The following KCNN2 variants were observed in gnomAD, a reference collection of about 807,000 sequenced individuals.
KCNN2 encodes potassium calcium-activated channel subfamily N member 2.
Under a neutral mutation model 55.5 loss-of-function variants are expected in KCNN2, and 24 were observed. That is an observed-to-expected ratio of 0.43 (90% CI 0.31 to 0.61). KCNN2 has a LOEUF of 0.61. Among genes scored for constraint, KCNN2 ranks in the 20% least tolerant of loss-of-function variants. The probability of loss-of-function intolerance (pLI) is 0.08; values close to 1 mark genes in which losing one functional copy is unlikely to be tolerated. For missense variants in KCNN2, 754 were observed against 853.6 expected, an observed-to-expected ratio of 0.88 and a Z score of 1.45; for synonymous variants, 431 against 336.1, an observed-to-expected ratio of 1.28 and a Z score of -3.09.
intron 2 of KCNN2, among the ~76,000 whole-genome samples, chr5:114,229,891 C>T (rs377011202): frequency 1.3e-5 from 2 of 152,152 alleles, no homozygotes; most frequent in East Asian, 3.9e-4. Context: ...GAAACAAACC[C>T]TAGAAATGGA....
intron 3 of KCNN2, among the ~76,000 whole-genome samples, chr5:114,455,281 C>G (rs930177879): frequency 6.6e-6 from 1 of 152,134 alleles, no homozygotes; most frequent in African/African-American, 2.4e-5. Flanking sequence ...TTTGGTAATT[C>G]TTGTAGCTTC....
intron 2 of KCNN2, among the ~76,000 whole-genome samples, chr5:114,395,786 C>T (rs1758596616): frequency 6.6e-6 from 1 of 152,166 alleles, no homozygotes; most frequent in South Asian, 2.1e-4. Context: ...ACAGTTCTTT[C>T]CTTCCTGCTT....
chr5:114,116,816 T>C (rs1751716583), intron 1 of KCNN2, among the ~76,000 whole-genome samples: 1 of 152,170 alleles, frequency 6.6e-6, no homozygotes, highest in African/African-American at 2.4e-5. Flanking sequence ...ATAATTTATA[T>C]ACACTCTTTA....
chr5:114,437,337 A>G (rs1024989754), intron 3 of KCNN2, among the ~76,000 whole-genome samples: 1 of 152,168 alleles, frequency 6.6e-6, no homozygotes, highest in Non-Finnish European at 1.5e-5. Context: ...GGGAACAGAG[A>G]GAAGGGGAGG....
chr5:114,061,087 A>G (rs1750318433), intron 1 of KCNN2, among the ~76,000 whole-genome samples: 1 of 152,240 alleles, frequency 6.6e-6, no homozygotes, highest in Non-Finnish European at 1.5e-5. Flanking sequence ...AGGATTCAGA[A>G]TTTATTCATT....
intron 3 of KCNN2, among the ~76,000 whole-genome samples, chr5:114,409,962 G>A (rs1015137508): frequency 6.6e-6 from 1 of 152,098 alleles, no homozygotes; most frequent in African/African-American, 2.4e-5. Flanking sequence ...TTGTTAATAA[G>A]CAGCTTCCCC....
chr5:114,159,835 A>G (rs1212992391), intron 1 of KCNN2, among the ~76,000 whole-genome samples: 1 of 151,926 alleles, frequency 6.6e-6, no homozygotes, highest in Non-Finnish European at 1.5e-5. Context: ...TATTTCTGTG[A>G]GATCGGTGGT....
Position 114,456,928 on chromosome 5 carries a change from T to G in KCNN2, c.1638-6121T>G, listed in dbSNP as rs116014451. Reference sequence around the variant, plus strand: ...TTCCTATGGATCAGCAAATAAACTGTTTCTTGAGATGGAATCTACTCCTGG... The same window carrying G: ...TTCCTATGGATCAGCAAATAAACTGGTTCTTGAGATGGAATCTACTCCTGG... On this transcript the variant is annotated intron_variant, in intron 3 of 7. Coordinates refer to ENST00000673685, the MANE Select transcript of KCNN2 (RefSeq NM_021614.4). Among the ~76,000 whole-genome samples the G allele has an allele frequency of 5.6e-3, 855 of 152,308 alleles. 6 individuals carry two copies. Among genetic ancestry groups the G allele is most frequent in the Non-Finnish European group, 9.3e-3 (634 of 68,022 alleles).
chr5:114,362,873 C>T lies in KCNN2; in HGVS notation c.734C>T (p.Pro245Leu). Residue 245 changes from proline (P) to leucine (L), a missense_variant, in exon 1 of 8, where the codon CCC becomes CTC. Transcript: ENST00000673685. ...NLHEMDSEAQ[P>L]LQPPASVGGG... Reference sequence around the variant, plus strand: ...CACGAGATGGACTCAGAGGCGCAGCCCCTGCAGCCCCCCGCGTCTGTCGGA... The same window carrying T: ...CACGAGATGGACTCAGAGGCGCAGCTCCTGCAGCCCCCCGCGTCTGTCGGA... The T allele has an allele frequency of 1.9e-6, 3 of 1,598,788 alleles. No homozygotes were observed. The highest frequency in any genetic ancestry group is 2.2e-5 in the East Asian group (1 of 44,714).
intron 1 of KCNN2, among the ~76,000 whole-genome samples, chr5:114,189,133 A>AGTGTGTGT (rs34640722): frequency 0.14 from 21,069 of 149,866 alleles, 1,493 homozygotes; most frequent in Middle Eastern, 0.22. Flanking sequence ...TAGAACCAAT[A>AGTGTGTGT]GTGTGTGTGT....
intron 1 of KCNN2, 130 bp downstream of exon 1, chr5:114,363,391 C>T (rs1757505077): frequency 1.7e-6 from 2 of 1,188,686 alleles, no homozygotes; most frequent in Non-Finnish European, 1.1e-6. Context: ...GCCAGGACAG[C>T]GGGCGCGTCT....
At position 114,087,983 on chromosome 5, in the gene KCNN2, T is replaced by C. The variant is rs994867003; in HGVS notation, c.-271+31483T>C. On this transcript the variant is annotated intron_variant, in intron 1 of 10. Transcript: ENST00000512097. ...CATGTTTCTTAACATTGTTATTATT[T>C]TTTATAGTTTGCAGATTCTATCTGA... Among the ~76,000 whole-genome samples, 7 of 152,252 alleles carry C rather than the reference T, an allele frequency of 4.6e-5. No individual in the cohort carries two copies. The East Asian group carries it at 1.2e-3, about 25-fold the overall frequency.
Position 114,113,587 on chromosome 5 carries a change from C to A in KCNN2, c.-271+57087C>A, listed in dbSNP as rs79282839. 2.6e-3 allele frequency among the ~76,000 whole-genome samples: 396 copies of A among 152,106 alleles called. 1 individual carries two copies. The highest frequency in any genetic ancestry group is 8.7e-3 in the African/African-American group (363 of 41,510). On this transcript the variant is annotated intron_variant, in intron 1 of 10. Coordinates refer to the KCNN2 transcript ENST00000512097. ...CCTTCCTAGAAAAGAAGTAAAGCTT[C>A]AAAGAAGTAGATAGGCCTGAGAATT... is the stretch of plus-strand genomic sequence containing the variant.
chr5:114,171,282 T>C (rs570630536), intron 1 of KCNN2, among the ~76,000 whole-genome samples: 2 of 152,082 alleles, frequency 1.3e-5, no homozygotes, highest in East Asian at 1.9e-4. Context: ...AAAGAAAACC[T>C]TTGCAGTTCT....
chr5:114,395,906 G>T (rs1758599919), intron 2 of KCNN2, among the ~76,000 whole-genome samples: 1 of 152,058 alleles, frequency 6.6e-6, no homozygotes, highest in Non-Finnish European at 1.5e-5. Flanking sequence ...TCTTCACTTT[G>T]TCTAATTTTT....
intron 2 of KCNN2, among the ~76,000 whole-genome samples, chr5:114,250,896 A>G (rs1308985198): frequency 4.6e-5 from 7 of 152,224 alleles, no homozygotes; most frequent in African/African-American, 1.7e-4. Flanking sequence ...TTGTGCCTCC[A>G]TAACCAGCAG....
upstream of KCNN2, chr5:114,361,196 G>A (rs564538109): frequency 1.3e-5 from 2 of 152,224 alleles, no homozygotes; most frequent in South Asian, 4.1e-4. Flanking sequence ...CGCCAGGGGG[G>A]ACCCGGGAAG....
intron 1 of KCNN2, among the ~76,000 whole-genome samples, chr5:114,176,190 C>T (rs1435384798): frequency 1.3e-5 from 2 of 152,174 alleles, no homozygotes; most frequent in African/African-American, 4.8e-5. Context: ...CTTAACCACA[C>T]GATGCCAGTG....
chr5:114,406,901 A>C (rs1248218157), intron 3 of KCNN2, among the ~76,000 whole-genome samples: 1 of 152,138 alleles, frequency 6.6e-6, no homozygotes, highest in Non-Finnish European at 1.5e-5. Flanking sequence ...GGGAGTCTTT[A>C]GTCTTCTCTC....
Sources: allele counts gnomAD v4.1 joint callset (sites outside exome capture counted in the v4.1 genomes callset), GRCh38; gene constraint gnomAD v4.1.1; transcripts MANE v1.5; gene names NCBI Gene and HGNC (gene_info 2026-07-23, HGNC 2026-07-21).